Variants in CACNA1I observed in about 807,000 individuals in gnomAD.
CACNA1I encodes the protein voltage-dependent T-type calcium channel subunit alpha-1I.
In CACNA1I, 74 loss-of-function variants were observed where a neutral mutation model predicts 201.6. That is an observed-to-expected ratio of 0.37 (90% confidence interval 0.30 to 0.45). CACNA1I has a LOEUF of 0.45. CACNA1I is among the 20% of genes least tolerant of loss of function. The pLI is 1.00. For missense variants in CACNA1I, 2,346 were observed against 3,138.1 expected, an observed-to-expected ratio of 0.75 and a Z score of 6.03; for synonymous variants, 1,431 against 1,345.2, an observed-to-expected ratio of 1.06 and a Z score of -1.40.
At chr22:39,670,757 C>A in intron 25 of CACNA1I, 46 bp from the exon 26 acceptor site, 2 of 1,606,070 alleles carry the variant, frequency 1.2e-6, no homozygotes, top group East Asian at 2.2e-5. Context: ...TTTCCCTTGA[C>A]CCCAACCCTC....
In CACNA1I at chr22:39,649,919, C is replaced by G; in HGVS notation, c.1986C>G (p.His662Gln). The part of the protein sequence containing the change: ...VNTVSMGIEH[H>Q]EQPEELTNIL... Reference sequence around the variant, plus strand: ...CCGTCAGCATGGGCATCGAGCACCACGAGCAGGCCAGTGCAGCGCAGCCGG... The same window carrying G: ...CCGTCAGCATGGGCATCGAGCACCAGGAGCAGGCCAGTGCAGCGCAGCCGG... The change falls in exon 10 of 37, where the codon CAC becomes CAG. Residue 662 changes from histidine to glutamine, a missense_variant. Transcript: ENST00000402142. The surrounding 1 kb of genome is among the most constrained non-coding windows in gnomAD (Gnocchi z 7.3). 1 of 1,613,108 alleles carries G rather than the reference C, an allele frequency of 6.2e-7. No individual in the cohort carries two copies. The highest frequency in any genetic ancestry group is 8.5e-7 in the Non-Finnish European group (1 of 1,179,682).
intron 3 of CACNA1I, among the ~76,000 whole-genome samples, chr22:39,615,729 A>G (rs1601462208): frequency 2.0e-5 from 3 of 152,300 alleles, no homozygotes; most frequent in Admixed American, 2.0e-4. Flanking sequence ...TTTCTTCTTC[A>G]CTGAATGCAT....
In CACNA1I at chr22:39,607,576, G is replaced by A. The variant is rs148804171; in HGVS notation, c.482+6923G>A. 2.7e-3 allele frequency among the ~76,000 whole-genome samples: 409 copies of A among 152,334 alleles called. 5 individuals carry two copies. The highest frequency in any genetic ancestry group is 9.4e-3 in the African/African-American group (391 of 41,576). ...GGTCATGATTCCCAGTCTGGGAACC[G>A]CAGGAAGGGGAAGAGAGATAGGGAG... On this transcript the variant is annotated intron_variant, in intron 3 of 36. Coordinates refer to ENST00000402142, the MANE Select transcript of CACNA1I (RefSeq NM_021096.4).
chr22:39,679,848 T>C lies in CACNA1I; in HGVS notation c.5521T>C (p.Cys1841Arg), dbSNP rs747837332. ...HYSSPAGCKK[C>R]HHDKQEVQLA... is the part of the protein sequence containing the mutation. ...CTCCTCGCCTGCCGGCTGCAAGAAG[T>C]GTCACCACGACAAGCAAGAGGTAAT... is the stretch of plus-strand genomic sequence containing the variant. Residue 1841 changes from cysteine (C) to arginine (R), a missense_variant, in exon 33 of 37, where the codon TGT becomes CGT. Cys to Arg is a radical substitution (Grantham distance 180, BLOSUM62 -3). Around this residue, in one of 13 missense-constraint regions of CACNA1I, gnomAD observed 441 missense variants for 555.6 expected, o/e 0.79. Transcript: ENST00000402142. 1 of 1,612,430 alleles carries C rather than the reference T, an allele frequency of 6.2e-7. No individual in the cohort carries two copies. Among genetic ancestry groups the C allele is most frequent in the African/African-American group, 1.3e-5 (1 of 74,908 alleles).
chr22:39,585,735 T>TTG (rs1555901172), intron 1 of CACNA1I, among the ~76,000 whole-genome samples: 1 of 139,180 alleles, frequency 7.2e-6, no homozygotes, highest in Non-Finnish European at 1.6e-5. Context: ...AAGTTTTTTT[T>TTG]TTTTTTTTTT....
At chr22:39,636,258 T>A (rs1161393180) in intron 5 of CACNA1I, among the ~76,000 whole-genome samples, 1 of 152,220 alleles carries the variant, frequency 6.6e-6, no homozygotes, top group Admixed American at 6.5e-5. Context: ...CAGCCCTGTC[T>A]CGGCTGCAAA....
chr22:39,641,064 G>T lies in CACNA1I; in HGVS notation c.938G>T (p.Ser313Ile). ...FGAGRQDLNASGLCVNWNRYY... is the reference protein window; with the variant it reads ...FGAGRQDLNAIGLCVNWNRYY... ...GCGGGGCGCCAGGACCTCAATGCCA[G>T]CGGCCTCTGTGTCAACTGGAACCGT... Residue 313 changes from serine (S) to isoleucine (I), a missense_variant, in exon 6 of 37, where the codon AGC becomes ATC. Ser to Ile is a moderately radical substitution (Grantham distance 142). This residue lies in a region of CACNA1I where 227 missense variants were observed against 412.5 expected (regional missense o/e 0.55). Transcript: ENST00000402142. The T allele has an allele frequency of 6.2e-7, 1 of 1,614,078 alleles. No individual in the cohort carries two copies. Among genetic ancestry groups the T allele is most frequent in the Non-Finnish European group, 8.5e-7 (1 of 1,179,910 alleles).
chr22:39,636,020 C>A (rs1430065708), intron 5 of CACNA1I, among the ~76,000 whole-genome samples: 1 of 152,232 alleles, frequency 6.6e-6, no homozygotes. Flanking sequence ...ACAGCAGGGG[C>A]ACCTGGGGCT....
rs1222815388 is a variant in CACNA1I at position 39,677,472 on chromosome 22, G to A, written c.4933+53G>A. ...GTGGGGGTGCAGCAGGGCTGCAGGA[G>A]GAACTGGGGGGGCGGGGGAGGCCTG... On this transcript the variant is annotated intron_variant, in intron 30 of 36. Coordinates refer to ENST00000402142, the MANE Select transcript of CACNA1I (RefSeq NM_021096.4). This position sits in a 1 kb window ranked among gnomAD's most constrained non-coding sequence, Gnocchi z 4.8. 2.3e-6 allele frequency: 3 copies of A among 1,288,748 alleles called. No homozygotes were observed. The highest frequency in any genetic ancestry group is 2.9e-5 in the South Asian group (2 of 69,870). 79.8% of individuals were successfully genotyped at this position (1,288,748 alleles called of 1,614,324 possible).
chr22:39,587,431 G>C (rs1040647509), intron 1 of CACNA1I, among the ~76,000 whole-genome samples: 1 of 152,184 alleles, frequency 6.6e-6, no homozygotes, highest in Non-Finnish European at 1.5e-5. Context: ...TCATTTTATG[G>C]AGCAGCTTTC....
Position 39,659,262 on chromosome 22 carries a change from C to A in CACNA1I, c.2330+146C>A. Reference sequence around the variant, plus strand: ...GACACTGTTCCTCAGTCCCCTGTGGCTTTCAGCAAGCATGAACCCCTAAGC... The same window carrying A: ...GACACTGTTCCTCAGTCCCCTGTGGATTTCAGCAAGCATGAACCCCTAAGC... On this transcript the variant is annotated intron_variant, in intron 12 of 36. Coordinates refer to ENST00000402142, the MANE Select transcript of CACNA1I (RefSeq NM_021096.4). The surrounding 1 kb of genome is among the most constrained non-coding windows in gnomAD (Gnocchi z 4.3). 9.0e-7 allele frequency: 1 copy of A among 1,112,366 alleles called. No homozygotes were observed. The highest frequency in any genetic ancestry group is 1.3e-6 in the Non-Finnish European group (1 of 773,948). The allele number at this position is 1,112,366 out of a possible 1,614,324, so 68.9% of individuals were successfully genotyped here.
In CACNA1I at chr22:39,659,213, C is replaced by T; in HGVS notation, c.2330+97C>T. ...TCCACTGTGCTTCTCTGGACAAAGC[C>T]ACCTGGACCTGGGTGTGAAGCCTGA... On this transcript the variant is annotated intron_variant, in intron 12 of 36. Transcript: ENST00000402142. The surrounding 1 kb of genome is among the most constrained non-coding windows in gnomAD (Gnocchi z 4.3). 2.1e-6 allele frequency: 3 copies of T among 1,445,446 alleles called. No individual in the cohort carries two copies. The highest frequency in any genetic ancestry group is 2.8e-6 in the Non-Finnish European group (3 of 1,057,322). The allele number at this position is 1,445,446 out of a possible 1,614,324, so 89.5% of individuals were successfully genotyped here.
At chr22:39,640,807 G>A (rs1371444406) in intron 5 of CACNA1I, 60 bp from the exon 6 acceptor site, 11 of 1,410,914 alleles carry the variant, frequency 7.8e-6, no homozygotes, top group Non-Finnish European at 1.1e-5. Flanking sequence ...CTCCCTTCCT[G>A]ATCCTCCTGA....
At chr22:39,590,295 C>T (rs1351995415) in intron 1 of CACNA1I, among the ~76,000 whole-genome samples, 1 of 152,232 alleles carries the variant, frequency 6.6e-6, no homozygotes, top group Non-Finnish European at 1.5e-5. Flanking sequence ...TTTTGATCCT[C>T]CTGGCTGGGG....
chr22:39,664,134 T>C lies in CACNA1I; in HGVS notation c.3641T>C (p.Ile1214Thr). The change falls in exon 20 of 37, where the codon ATC becomes ACC. Residue 1214 changes from isoleucine (I) to threonine (T), a missense_variant. By Grantham distance (89) the Ile-to-Thr change is moderately conservative. Coordinates refer to ENST00000402142, the MANE Select transcript of CACNA1I (RefSeq NM_021096.4). The part of the protein sequence containing the change: ...LTVSNYIFTA[I>T]FVGEMTLKVV... ...GTGTCCAACTACATCTTCACGGCCA[T>C]CTTCGTGGGCGAGATGACATTGAAG... 1.2e-6 allele frequency: 2 copies of C among 1,613,648 alleles called. No homozygotes were observed. Among genetic ancestry groups the C allele is most frequent in the South Asian group, 1.1e-5 (1 of 91,020 alleles).
rs1569046851 is a variant in CACNA1I at position 39,583,162 on chromosome 22, ATGC to A, written c.236+12175_236+12177del. Among the ~76,000 whole-genome samples, 5 of 150,690 alleles carry A rather than the reference ATGC, an allele frequency of 3.3e-5. No homozygotes were observed. The East Asian group carries it at 1.0e-3, about 30-fold the overall frequency. On this transcript the variant is annotated intron_variant, in intron 1 of 36. Transcript: ENST00000402142. ...CATCCATCCATCCAGCCATCCATGC[ATGC>A]ATCCATCTCTCCATCCATCCATCTA...
chr22:39,680,850 G>C (rs1935681123), intron 33 of CACNA1I, 80 bp from the exon 34 acceptor site: 2 of 1,489,788 alleles, frequency 1.3e-6, no homozygotes, highest in Admixed American at 3.9e-5. Flanking sequence ...CAGAGCCTCA[G>C]GCCTGTGGCT....
chr22:39,659,158 G>C lies in CACNA1I; in HGVS notation c.2330+42G>C. On this transcript the variant is annotated intron_variant, in intron 12 of 36. Coordinates refer to ENST00000402142, the MANE Select transcript of CACNA1I (RefSeq NM_021096.4). The surrounding 1 kb of genome is among the most constrained non-coding windows in gnomAD (Gnocchi z 4.3). ...GGGGGCCATACCTCAGCACCTGCTG[G>C]GGCTGTGGGCGGGAGCCTGGGGGAT... The C allele has an allele frequency of 1.9e-6, 3 of 1,604,210 alleles. No homozygotes were observed. Among genetic ancestry groups the C allele is most frequent in the South Asian group, 1.1e-5 (1 of 89,902 alleles).
In CACNA1I at chr22:39,588,531, G is replaced by A. The variant is rs571371884; in HGVS notation, c.237-9620G>A. Among the ~76,000 whole-genome samples, 154 of 151,692 alleles carry A rather than the reference G, an allele frequency of 1.0e-3. 2 individuals are homozygous for A. Among genetic ancestry groups the A allele is most frequent in the Non-Finnish European group, 1.4e-3 (96 of 67,916 alleles). On this transcript the variant is annotated intron_variant, in intron 1 of 36. Coordinates refer to ENST00000402142, the MANE Select transcript of CACNA1I (RefSeq NM_021096.4). ...CTCCCGAGTAGCTGGGACTACAGGCGCCCACCACCACGCCCGGCTTATTTT... is the reference window on the plus strand; with the variant it reads ...CTCCCGAGTAGCTGGGACTACAGGCACCCACCACCACGCCCGGCTTATTTT...
Sources: gnomAD v4.1 joint callset for allele counts (sites outside exome capture counted in the v4.1 genomes callset) on GRCh38, gnomAD v4.1.1 for gene constraint, gnomAD v4.1.1 regional missense constraint, Gnocchi (gnomAD v3.1) non-coding constraint, MANE v1.5 for transcripts, NCBI Gene and HGNC (gene_info 2026-07-23, HGNC 2026-07-21) for gene names.